PBX3: variants seen among roughly 807,000 people sequenced by gnomAD.
PBX3 encodes PBX homeobox 3.
In PBX3, 14 loss-of-function variants were observed where a neutral mutation model predicts 48.5. That is an observed-to-expected ratio of 0.29 (90% CI 0.19 to 0.45). PBX3 has a LOEUF of 0.45. PBX3 is among the 20% of genes least tolerant of loss of function. The pLI, the probability that PBX3 is intolerant of heterozygous loss-of-function variation, is 1.00. For missense variants in PBX3, 386 were observed against 546.7 expected (o/e 0.71, Z 2.93); for synonymous variants, 210 against 200.3 (o/e 1.05, Z -0.41).
chr9:125,832,205 T>A (rs1271086267), intron 2 of PBX3, among the ~76,000 whole-genome samples: 2 of 151,610 alleles, frequency 1.3e-5, no homozygotes, highest in Non-Finnish European at 2.9e-5. Flanking sequence ...TTTCTTTCTT[T>A]TTTTTTTTGA....
At chr9:125,749,901 G>T (rs895875182) in intron 2 of PBX3, among the ~76,000 whole-genome samples, 1 of 152,204 alleles carries the variant, frequency 6.6e-6, no homozygotes, top group Non-Finnish European at 1.5e-5. Flanking sequence ...GGAGGCCAAA[G>T]AGTACTTTTC....
At chr9:125,762,047 T>A (rs2131977929) in intron 2 of PBX3, among the ~76,000 whole-genome samples, 1 of 152,344 alleles carries the variant, frequency 6.6e-6, no homozygotes, top group Non-Finnish European at 1.5e-5. Context: ...GCAGGGGCAG[T>A]TTATATTCTA....
intron 2 of PBX3, among the ~76,000 whole-genome samples, chr9:125,879,081 T>A (rs1588251969): frequency 6.7e-6 from 1 of 148,542 alleles, no homozygotes; most frequent in Admixed American, 6.7e-5. Context: ...GCTATTCTTT[T>A]TTTTTTTTTT....
intron 2 of PBX3, among the ~76,000 whole-genome samples, chr9:125,792,249 G>A (rs960394945): frequency 3.9e-5 from 6 of 152,172 alleles, no homozygotes; most frequent in Non-Finnish European, 8.8e-5. Flanking sequence ...GGTCACAAAG[G>A]ACAGAAAAAA....
chr9:125,860,103 T>A (rs562512087), intron 2 of PBX3, among the ~76,000 whole-genome samples: 67 of 152,364 alleles, frequency 4.4e-4, no homozygotes, highest in African/African-American at 1.5e-3. Flanking sequence ...TCATACCATA[T>A]TCATTGTGGA....
intron 2 of PBX3, among the ~76,000 whole-genome samples, chr9:125,864,302 A>G (rs1295110158): frequency 1.3e-5 from 2 of 152,154 alleles, no homozygotes; most frequent in Non-Finnish European, 2.9e-5. Context: ...ATTAGAGTGT[A>G]CTGCCTGGCT....
intron 2 of PBX3, among the ~76,000 whole-genome samples, chr9:125,858,935 C>T (rs895784321): frequency 3.9e-5 from 6 of 152,032 alleles, no homozygotes; most frequent in African/African-American, 1.4e-4. Context: ...CAACTTTGGC[C>T]CATTCTTTTA....
intron 2 of PBX3, among the ~76,000 whole-genome samples, chr9:125,799,237 G>T (rs1344977227): frequency 6.6e-6 from 1 of 152,164 alleles, no homozygotes; most frequent in Non-Finnish European, 1.5e-5. Flanking sequence ...GAAGCAGGCC[G>T]GTTCAGTGGT....
rs146090834 is a variant in PBX3 at position 125,782,425 on chromosome 9, C to G, written c.274+33802C>G. 3.1e-3 allele frequency among the ~76,000 whole-genome samples: 474 copies of G among 152,278 alleles called. 1 individual carries two copies. The highest frequency in any genetic ancestry group is 0.011 in the African/African-American group (458 of 41,554). On this transcript the variant is annotated intron_variant, in intron 2 of 8. Coordinates refer to ENST00000373489, the MANE Select transcript of PBX3 (RefSeq NM_006195.6). ...AAACCATATCATCTGGTTTTGCCCACCTAGTTTCAATAGCACATAAAAACT... is the reference window on the plus strand; with the variant it reads ...AAACCATATCATCTGGTTTTGCCCAGCTAGTTTCAATAGCACATAAAAACT...
chr9:125,947,059 G>A (rs1404434831), intron 5 of PBX3, among the ~76,000 whole-genome samples: 3 of 152,088 alleles, frequency 2.0e-5, no homozygotes, highest in Non-Finnish European at 4.4e-5. Flanking sequence ...TTAAATGTCC[G>A]CCTAGAATTC....
At chr9:125,869,675 G>A (rs563320378) in intron 2 of PBX3, among the ~76,000 whole-genome samples, 1 of 152,094 alleles carries the variant, frequency 6.6e-6, no homozygotes, top group African/African-American at 2.4e-5. Context: ...TGGAGCATGG[G>A]CAAAATAAAG....
intron 2 of PBX3, among the ~76,000 whole-genome samples, chr9:125,847,502 G>A (rs1177784910): frequency 6.6e-6 from 1 of 151,836 alleles, no homozygotes; most frequent in Non-Finnish European, 1.5e-5. Context: ...TTATAAAGCA[G>A]CAATAAATAG....
intron 5 of PBX3, among the ~76,000 whole-genome samples, chr9:125,939,492 G>T (rs547753328): frequency 6.6e-6 from 1 of 152,252 alleles, no homozygotes; most frequent in South Asian, 2.1e-4. Context: ...AATATTGGTG[G>T]TAGGGATGTA....
chr9:125,876,108 T>C (rs1840241174), intron 2 of PBX3, among the ~76,000 whole-genome samples: 1 of 152,250 alleles, frequency 6.6e-6, no homozygotes, highest in Admixed American at 6.5e-5. Context: ...ATGTATATCA[T>C]GTTTTATGGC....
intron 2 of PBX3, among the ~76,000 whole-genome samples, chr9:125,795,799 C>T (rs10986923): frequency 0.02 from 3,080 of 152,136 alleles, 172 homozygotes; most frequent in East Asian, 0.17. Flanking sequence ...CTTTAATACA[C>T]GAGGTCCCAC....
chr9:125,750,429 G>A (rs1361272217), intron 2 of PBX3, among the ~76,000 whole-genome samples: 1 of 152,194 alleles, frequency 6.6e-6, no homozygotes, highest in Non-Finnish European at 1.5e-5. Flanking sequence ...CAATTAGGAA[G>A]CATAAGTCCT....
chr9:125,933,553 C>T (rs1841767600), intron 4 of PBX3, among the ~76,000 whole-genome samples: 1 of 152,150 alleles, frequency 6.6e-6, no homozygotes, highest in South Asian at 2.1e-4. Context: ...CATCTATTCC[C>T]ATCTACCCTG....
intron 2 of PBX3, among the ~76,000 whole-genome samples, chr9:125,817,751 A>T (rs1002783898): frequency 6.6e-6 from 1 of 152,224 alleles, no homozygotes; most frequent in Non-Finnish European, 1.5e-5. Flanking sequence ...TTGTCCTACA[A>T]ATCGAAAAAA....
intron 2 of PBX3, among the ~76,000 whole-genome samples, chr9:125,753,773 G>GAGCA (rs1836440533): frequency 6.6e-6 from 1 of 152,018 alleles, no homozygotes; most frequent in African/African-American, 2.4e-5. Context: ...TTGCCCCAAA[G>GAGCA]AGCACACTGG....
Sources: allele counts gnomAD v4.1 joint callset (sites outside exome capture counted in the v4.1 genomes callset), GRCh38; gene constraint gnomAD v4.1.1; transcripts MANE v1.5; gene names NCBI Gene and HGNC (gene_info 2026-07-23, HGNC 2026-07-21).